Variants in PCDHAC2 observed in about 807,000 individuals in gnomAD.
The protein encoded by PCDHAC2 is protocadherin alpha-C2.
In PCDHAC2, 24 loss-of-function variants were observed where a neutral mutation model predicts 63.3. The observed-to-expected ratio is 0.38, with a 90% confidence interval of 0.27 to 0.53. PCDHAC2 has a LOEUF of 0.53. Ranked by LOEUF, PCDHAC2 falls within the 20% of genes least tolerant of loss-of-function variation. The probability of loss-of-function intolerance (pLI) is 0.81; values close to 1 mark genes in which losing one functional copy is unlikely to be tolerated. For synonymous variants in PCDHAC2, 569 were observed against 529.4 expected, an observed-to-expected ratio of 1.07 and a Z score of -1.03; for missense variants, 1,181 against 1,275.2, an observed-to-expected ratio of 0.93 and a Z score of 1.12.
At chr5:140,979,215 G>A (rs1463069868) in intron 2 of PCDHAC2, among the ~76,000 whole-genome samples, 5 of 152,178 alleles carry the variant, frequency 3.3e-5, no homozygotes, top group African/African-American at 4.8e-5. Context: ...TGGCATATAA[G>A]AGTCCTCTGT....
At chr5:141,005,718 A>T (rs1554260304) in intron 3 of PCDHAC2, among the ~76,000 whole-genome samples, 1 of 149,548 alleles carries the variant, frequency 6.7e-6, no homozygotes, top group Non-Finnish European at 1.5e-5. Context: ...AAAAAAAAAA[A>T]AAAAAAAAAA....
chr5:141,008,072 T>G (rs1419103459), intron 3 of PCDHAC2, among the ~76,000 whole-genome samples: 3 of 152,154 alleles, frequency 2.0e-5, no homozygotes, highest in African/African-American at 7.2e-5. Context: ...TAAGAACTTA[T>G]TGGGGTTATT....
chr5:140,967,786 G>A lies in PCDHAC2; in HGVS notation c.1020G>A (p.Arg340=). 6.2e-7 allele frequency: 1 copy of A among 1,614,216 alleles called. No individual in the cohort carries two copies. The highest frequency in any genetic ancestry group is 2.2e-5 in the East Asian group (1 of 44,880). Reference sequence around the variant, plus strand: ...AGATCTATGTGCAGGCGACTGACCGGGGTCCAGTGCCCATGGCAGGTCACT... The same window carrying A: ...AGATCTATGTGCAGGCGACTGACCGAGGTCCAGTGCCCATGGCAGGTCACT... ...SYQIYVQATD[R]GPVPMAGHCK... Residue 340 remains arginine, a synonymous_variant, in exon 1 of 4, where the codon CGG becomes CGA. Coordinates refer to ENST00000289269, the MANE Select transcript of PCDHAC2 (RefSeq NM_018899.6).
chr5:141,000,405 A>C lies in PCDHAC2; in HGVS notation c.2714-9222A>C, dbSNP rs1290838400. Among the ~76,000 whole-genome samples the C allele has an allele frequency of 7.9e-5, 7 of 88,832 alleles. No individual in the cohort carries two copies. In the East Asian group the frequency reaches 9.8e-4, roughly 12 times the overall value. The allele number at this position is 88,832 out of a possible 152,430, so 58.3% of individuals were successfully genotyped here. On this transcript the variant is annotated intron_variant, in intron 3 of 3. Transcript: ENST00000289269. ...TCTCTCTCTCTCTCTCTATATATAT[A>C]TATATATATATATATATTTTTTTTT...
At chr5:140,997,837 T>G (rs1414415987) in intron 3 of PCDHAC2, among the ~76,000 whole-genome samples, 2 of 152,222 alleles carry the variant, frequency 1.3e-5, no homozygotes, top group African/African-American at 4.8e-5. Context: ...AACAATACAA[T>G]ATACATTCTT....
At position 141,009,850 on chromosome 5, in the gene PCDHAC2, CAAGAAAAAG is replaced by C. The variant is rs782749911; in HGVS notation, c.2952_2960del (p.Lys985_Lys987del). 6.2e-6 allele frequency: 10 copies of C among 1,613,454 alleles called. No individual in the cohort carries two copies. The highest frequency in any genetic ancestry group is 1.7e-5 in the Admixed American group (1 of 59,950). ...TAACCTTCGGCAAAAAGGAGGAGAC[CAAGAAAAAG>C]AAGAAAAAGAAGAAGGGTAACAAGA... is the stretch of plus-strand genomic sequence containing the variant. On this transcript the variant is annotated inframe_deletion, in exon 4 of 4. Coordinates refer to ENST00000289269, the MANE Select transcript of PCDHAC2 (RefSeq NM_018899.6).
rs550730996 is a variant in PCDHAC2, at chr5:140,982,280, G to T, written c.2625-195G>T. The T allele has an allele frequency of 2.1e-5, 21 of 1,007,278 alleles. No homozygotes were observed. The Admixed American group carries it at 5.3e-4, about 25-fold the overall frequency. 62.4% of individuals were successfully genotyped at this position (1,007,278 alleles called of 1,614,324 possible). A position where few individuals can be genotyped will look rare whatever the true frequency, so the allele number is the denominator to read the frequency against. ...GTGTGTTCCTGGAATAGTATAGCAGGCAATAAGTAAGTCAGCAATGCTTCT... is the reference window on the plus strand; with the variant it reads ...GTGTGTTCCTGGAATAGTATAGCAGTCAATAAGTAAGTCAGCAATGCTTCT... On this transcript the variant is annotated intron_variant, in intron 2 of 3. Transcript: ENST00000289269.
chr5:140,967,009 T>G lies in PCDHAC2; in HGVS notation c.243T>G (p.His81Gln). 1 of 1,606,176 alleles carries G rather than the reference T, an allele frequency of 6.2e-7. No individual in the cohort carries two copies. The highest frequency in any genetic ancestry group is 8.5e-7 in the Non-Finnish European group (1 of 1,177,470). ...RLGPGCLRIN[H>Q]LGAPSPRYLE... ...GGCCGGGTTGCTTGCGCATCAACCA[T>G]CTGGGTGCGCCCAGTCCGCGCTACC... The change falls in exon 1 of 4, where the codon CAT (histidine) becomes CAG (glutamine). Residue 81 changes from histidine (H) to glutamine (Q), a missense_variant. Around this residue, in one of 3 missense-constraint regions of PCDHAC2, gnomAD observed 210 missense variants for 184.9 expected, o/e 1.14. Transcript: ENST00000289269.
intron 3 of PCDHAC2, among the ~76,000 whole-genome samples, chr5:141,005,701 CAAAA>C (rs59860837): frequency 2.6e-4 from 2 of 7,790 alleles, no homozygotes; most frequent in African/African-American, 4.7e-4. Flanking sequence ...AACTCCGTCT[CAAAA>C]AAAAAAAAAA....
intron 3 of PCDHAC2, among the ~76,000 whole-genome samples, chr5:140,993,386 A>C (rs1435793353): frequency 6.6e-6 from 1 of 151,354 alleles, no homozygotes; most frequent in Non-Finnish European, 1.5e-5. Flanking sequence ...GGGTCCCTGA[A>C]ACTCCATCAT....
intron 3 of PCDHAC2, among the ~76,000 whole-genome samples, chr5:141,003,809 G>C (rs1554259330): frequency 6.6e-6 from 1 of 152,290 alleles, no homozygotes; most frequent in African/African-American, 2.4e-5. Flanking sequence ...GTAATCTGTA[G>C]TCTGGGAAGG....
rs782421721 is a variant in PCDHAC2, at chr5:140,966,807, C to T, written c.41C>T (p.Pro14Leu). Reference sequence around the variant, plus strand: ...ACCAGACCTGCGGCGACAGAGCATCCACGGCTCCGGCGGCCCATGCCCTGG... The same window carrying T: ...ACCAGACCTGCGGCGACAGAGCATCTACGGCTCCGGCGGCCCATGCCCTGG... ...AGTRPAATEH[P>L]RLRRPMPWLL... Residue 14 changes from proline to leucine, a missense_variant, in exon 1 of 4, where the codon CCA becomes CTA. Transcript: ENST00000289269. 3 of 1,547,208 alleles carry T rather than the reference C, an allele frequency of 1.9e-6. No homozygotes were observed. The South Asian group carries it at 3.6e-5, about 18-fold the overall frequency.
At chr5:140,992,038 TG>T (rs2097488764) in intron 3 of PCDHAC2, among the ~76,000 whole-genome samples, 1 of 151,828 alleles carries the variant, frequency 6.6e-6, no homozygotes, top group African/African-American at 2.4e-5. Context: ...TGTGTGTGTG[TG>T]TGTGTGTGTG....
chr5:140,988,750 C>G (rs1282256432), intron 3 of PCDHAC2, among the ~76,000 whole-genome samples: 1 of 152,074 alleles, frequency 6.6e-6, no homozygotes, highest in Non-Finnish European at 1.5e-5. Context: ...GATTGGTGGC[C>G]TGGGCAGAAT....
At chr5:140,971,034 A>G (rs576529050) in intron 1 of PCDHAC2, among the ~76,000 whole-genome samples, 1 of 152,202 alleles carries the variant, frequency 6.6e-6, no homozygotes, top group Non-Finnish European at 1.5e-5. Context: ...ATTTGAAAGC[A>G]CGTAAAAGGG....
intron 3 of PCDHAC2, chr5:140,989,029 T>C (rs1179991724): frequency 6.6e-6 from 1 of 152,170 alleles, no homozygotes. Context: ...TCAGTTATCA[T>C]TGATTCCTTT....
At chr5:141,006,993 T>A (rs1484865636) in intron 3 of PCDHAC2, among the ~76,000 whole-genome samples, 5 of 152,290 alleles carry the variant, frequency 3.3e-5, no homozygotes, top group African/African-American at 4.8e-5. Flanking sequence ...GCTTAAAATA[T>A]AAGTCTGCAT....
chr5:140,980,714 G>A (rs958793243), intron 2 of PCDHAC2, among the ~76,000 whole-genome samples: 7 of 151,264 alleles, frequency 4.6e-5, no homozygotes, highest in African/African-American at 9.7e-5. Context: ...GCTCCTATTC[G>A]GGTTTCAATT....
chr5:140,967,680 G>C lies in PCDHAC2; in HGVS notation c.914G>C (p.Arg305Thr), dbSNP rs1554229771. ...SLSSYTSDRE[R>T]QLFSIDASTG... ...AGCAGCTACACGTCGGACCGGGAGA[G>C]GCAGCTCTTCAGCATAGATGCCAGT... The change falls in exon 1 of 4, where the codon AGG becomes ACG. Residue 305 changes from arginine to threonine, a missense_variant. Arg to Thr is a moderately conservative substitution (Grantham distance 71, BLOSUM62 -1). Transcript: ENST00000289269. 1 of 1,614,228 alleles carries C rather than the reference G, an allele frequency of 6.2e-7. No homozygotes were observed. Among genetic ancestry groups the C allele is most frequent in the South Asian group, 1.1e-5 (1 of 91,088 alleles).
Sources: gnomAD v4.1 joint callset for allele counts (sites outside exome capture counted in the v4.1 genomes callset) on GRCh38, gnomAD v4.1.1 for gene constraint, gnomAD v4.1.1 regional missense constraint, MANE v1.5 for transcripts, NCBI Gene and HGNC (gene_info 2026-07-23, HGNC 2026-07-21) for gene names.